The following SUGCT variants were observed in gnomAD, a reference collection of about 807,000 sequenced individuals.
SUGCT encodes succinyl-CoA:glutarate-CoA transferase.
Under a neutral mutation model 55.0 loss-of-function variants are expected in SUGCT, and 41 were observed. The observed-to-expected ratio is 0.74, with a 90% confidence interval of 0.58 to 0.97. SUGCT has a LOEUF of 0.97. SUGCT is among the 50% of genes least tolerant of loss of function. SUGCT has a pLI of 0.00. For synonymous variants in SUGCT, 187 were observed against 200.4 expected (o/e 0.93, Z 0.56); for missense variants, 568 against 547.8 (o/e 1.04, Z -0.37).
At chr7:40,868,970 A>G in the SUGCT span, among the ~76,000 whole-genome samples, 4 of 152,228 alleles carry the variant, frequency 2.6e-5, no homozygotes, top group African/African-American at 9.6e-5. Flanking sequence ...TAATGTTAAC[A>G]TTTTATATAA....
the SUGCT span, among the ~76,000 whole-genome samples, chr7:40,918,744 C>A: frequency 0.16 from 24,628 of 152,130 alleles, 2,527 homozygotes; most frequent in Admixed American, 0.24. Flanking sequence ...CTTTAGAAAT[C>A]TTTGTTTATG....
intron 12 of SUGCT, among the ~76,000 whole-genome samples, chr7:40,500,884 AACACATACACAT>A (rs112644426): frequency 6.6e-6 from 1 of 151,536 alleles, no homozygotes; most frequent in Admixed American, 6.6e-5. Context: ...CACACACACA[AACACATACACAT>A]ACACATACAC....
chr7:40,167,879 G>A (rs930604588), intron 1 of SUGCT, among the ~76,000 whole-genome samples: 1 of 152,132 alleles, frequency 6.6e-6, no homozygotes, highest in Admixed American at 6.5e-5. Context: ...TAAAAATCAC[G>A]GACCAGAAGA....
intron 13 of SUGCT, among the ~76,000 whole-genome samples, chr7:40,794,168 AAT>A (rs1294358127): frequency 6.6e-6 from 1 of 151,970 alleles, no homozygotes; most frequent in Non-Finnish European, 1.5e-5. Context: ...AGGTATGTTT[AAT>A]ATGTTTTGTT....
At chr7:40,552,115 G>T (rs1489194464) in intron 12 of SUGCT, among the ~76,000 whole-genome samples, 1 of 152,204 alleles carries the variant, frequency 6.6e-6, no homozygotes, top group Non-Finnish European at 1.5e-5. Context: ...TTAACAGTGT[G>T]ACAGGAAGGC....
At chr7:40,481,334 C>A (rs577596306) in intron 11 of SUGCT, among the ~76,000 whole-genome samples, 6 of 151,096 alleles carry the variant, frequency 4.0e-5, no homozygotes, top group Non-Finnish European at 7.4e-5. Flanking sequence ...TGAGACCCTA[C>A]CTCAAGAAAA....
chr7:40,537,468 T>C (rs1423147148), intron 12 of SUGCT, among the ~76,000 whole-genome samples: 1 of 152,156 alleles, frequency 6.6e-6, no homozygotes, highest in Non-Finnish European at 1.5e-5. Context: ...TCTGAATACA[T>C]ACCATGCTCA....
chr7:40,751,039 C>CAAAG (rs1317115981), intron 13 of SUGCT, among the ~76,000 whole-genome samples: 2 of 152,046 alleles, frequency 1.3e-5, no homozygotes, highest in Admixed American at 1.3e-4. Flanking sequence ...GTCATAAGTG[C>CAAAG]AAAGAAAGAA....
intron 12 of SUGCT, among the ~76,000 whole-genome samples, chr7:40,589,720 T>C (rs1797609527): frequency 6.6e-6 from 1 of 152,204 alleles, no homozygotes; most frequent in Non-Finnish European, 1.5e-5. Context: ...CTTAATTGTG[T>C]TATAGTAATG....
intron 12 of SUGCT, among the ~76,000 whole-genome samples, chr7:40,728,716 T>G (rs1786730877): frequency 6.6e-6 from 1 of 152,168 alleles, no homozygotes; most frequent in African/African-American, 2.4e-5. Flanking sequence ...AATATATTTT[T>G]TACCTTATGT....
chr7:40,786,974 A>C (rs1345155603), intron 13 of SUGCT, among the ~76,000 whole-genome samples: 1 of 152,228 alleles, frequency 6.6e-6, no homozygotes, highest in Admixed American at 6.5e-5. Flanking sequence ...CTAATAATTC[A>C]TTAGTAACTG....
At chr7:40,482,550 G>A (rs1272001190) in intron 11 of SUGCT, among the ~76,000 whole-genome samples, 4 of 151,976 alleles carry the variant, frequency 2.6e-5, no homozygotes, top group Non-Finnish European at 5.9e-5. Flanking sequence ...TTCACAAAGA[G>A]GTCCTAATTA....
chr7:40,470,798 A>G (rs1019668531), intron 11 of SUGCT, among the ~76,000 whole-genome samples: 1 of 150,618 alleles, frequency 6.6e-6, no homozygotes, highest in African/African-American at 2.5e-5. Context: ...TCTCTCTGTC[A>G]CACATACACA....
chr7:40,249,625 G>A (rs540721724), intron 7 of SUGCT, among the ~76,000 whole-genome samples: 1 of 151,624 alleles, frequency 6.6e-6, no homozygotes, highest in Non-Finnish European at 1.5e-5. Context: ...AACAAAAGAG[G>A]TTAAATAGTC....
In SUGCT at chr7:40,584,115, T is replaced by C. The variant is rs116374685; in HGVS notation, c.1089+87729T>C. On this transcript the variant is annotated intron_variant, in intron 12 of 13. Transcript: ENST00000335693. ...ATTTTAGGAATTGTTTTTTGAGCAC[T>C]TGTTTTATCAAGTTAACAAAAGTCT... is the stretch of plus-strand genomic sequence containing the variant. Among the ~76,000 whole-genome samples the C allele has an allele frequency of 1.7e-3, 258 of 152,334 alleles. 1 individual carries two copies. Among genetic ancestry groups the C allele is most frequent in the African/African-American group, 6.1e-3 (252 of 41,592 alleles).
chr7:40,316,564 G>T (rs2151109879), intron 8 of SUGCT, among the ~76,000 whole-genome samples, 196 bp from the exon 9 acceptor site: 1 of 152,208 alleles, frequency 6.6e-6, no homozygotes, highest in East Asian at 1.9e-4. Flanking sequence ...CTATTACTTA[G>T]TCTCATGCAA....
intron 7 of SUGCT, among the ~76,000 whole-genome samples, chr7:40,243,351 G>T (rs549839288): frequency 6.6e-6 from 1 of 151,832 alleles, no homozygotes; most frequent in African/African-American, 2.4e-5. Context: ...GTTGTATTAG[G>T]TACCATAATA....
intron 6 of SUGCT, among the ~76,000 whole-genome samples, chr7:40,195,302 AC>A (rs1786196135): frequency 6.7e-6 from 1 of 148,286 alleles, no homozygotes; most frequent in Admixed American, 6.8e-5. Context: ...GCTTACTGCA[AC>A]CTCTGACTCC....
chr7:40,318,411 A>G (rs1331338750), intron 9 of SUGCT, among the ~76,000 whole-genome samples: 2 of 152,198 alleles, frequency 1.3e-5, no homozygotes, highest in Non-Finnish European at 2.9e-5. Flanking sequence ...ATCATCTCAA[A>G]TAATGGAAGT....
Sources: allele counts gnomAD v4.1 joint callset (sites outside exome capture counted in the v4.1 genomes callset), GRCh38; gene constraint gnomAD v4.1.1; transcripts MANE v1.5; gene names NCBI Gene and HGNC (gene_info 2026-07-23, HGNC 2026-07-21).